The following TMEM132D variants were observed in gnomAD, a reference collection of about 807,000 sequenced individuals.
TMEM132D encodes the protein transmembrane protein 132D, also known as mature OL transmembrane protein.
TMEM132D carries 21 observed loss-of-function variants against 62.3 expected under a neutral mutation model. The ratio of observed to expected loss-of-function variants is 0.34; its 90% CI spans 0.24 to 0.49. TMEM132D has a LOEUF of 0.49. Ranked by LOEUF, TMEM132D falls within the 20% of genes least tolerant of loss-of-function variation. TMEM132D has a pLI of 0.99. For missense variants in TMEM132D, 1,346 were observed against 1,402.8 expected (o/e 0.96, Z 0.65); for synonymous variants, 621 against 575.6 (o/e 1.08, Z -1.13).
At chr12:129,307,518 C>CA (rs1881872261) in intron 4 of TMEM132D, among the ~76,000 whole-genome samples, 1 of 152,116 alleles carries the variant, frequency 6.6e-6, no homozygotes, top group Non-Finnish European at 1.5e-5. Flanking sequence ...ATATCCAAAA[C>CA]AAAATGCTTG....
At chr12:129,890,179 T>C (rs1874876019) in intron 1 of TMEM132D, among the ~76,000 whole-genome samples, 1 of 152,200 alleles carries the variant, frequency 6.6e-6, no homozygotes, top group South Asian at 2.1e-4. Context: ...TGTGCAGGGA[T>C]CTCTCAGAGC....
At position 129,747,851 on chromosome 12, in the gene TMEM132D, GAC is replaced by G. The variant is rs539892119; in HGVS notation, c.80-47155_80-47154del. On this transcript the variant is annotated intron_variant, in intron 1 of 8. Coordinates refer to ENST00000422113, the MANE Select transcript of TMEM132D (RefSeq NM_133448.3). ...CTCGACACACATTCAGACACACACAGACACACACACACACGACACACACACAC... is the reference window on the plus strand; with the variant it reads ...CTCGACACACATTCAGACACACACAGACACACACACACGACACACACACAC... Among the ~76,000 whole-genome samples the G allele has an allele frequency of 2.2e-4, 19 of 86,386 alleles. No individual in the cohort carries two copies. In the East Asian group the frequency reaches 4.2e-3, roughly 19 times the overall value. The allele number at this position is 86,386 out of a possible 152,430, so 56.7% of individuals were successfully genotyped here. A position where few individuals can be genotyped will look rare whatever the true frequency, so the allele number is the denominator to read the frequency against.
chr12:129,074,972 C>G lies in TMEM132D; in HGVS notation c.2203G>C (p.Ala735Pro), dbSNP rs770943777. The G allele has an allele frequency of 1.2e-6, 2 of 1,613,994 alleles. No homozygotes were observed. Among genetic ancestry groups the G allele is most frequent in the Non-Finnish European group, 1.7e-6 (2 of 1,180,012 alleles). ...ACTACCTTCTCATCCAAAGATGTGGCCATCAAGGAGAAGTCTTTCCCATCG... is the reference window on the plus strand; with the variant it reads ...ACTACCTTCTCATCCAAAGATGTGGGCATCAAGGAGAAGTCTTTCCCATCG... Reference protein sequence around the residue: ...IYDGKDFSLMATSLDEKVVSI... With the variant: ...IYDGKDFSLMPTSLDEKVVSI... Residue 735 changes from alanine (A) to proline (P), a missense_variant, in exon 9 of 9, where the codon GCC becomes CCC. Coordinates refer to ENST00000422113, the MANE Select transcript of TMEM132D (RefSeq NM_133448.3).
intron 3 of TMEM132D, among the ~76,000 whole-genome samples, chr12:129,478,283 CT>C (rs1201359288): frequency 6.6e-6 from 1 of 152,148 alleles, no homozygotes; most frequent in Non-Finnish European, 1.5e-5. Context: ...CTACCATGGA[CT>C]TCATAAAAAC....
At chr12:129,429,144 ACTCACTGTAGTCCAAAGTCCTTCAAGTTC>A (rs1872579615) in intron 3 of TMEM132D, among the ~76,000 whole-genome samples, 2 of 107,932 alleles carry the variant, frequency 1.9e-5, no homozygotes, top group Non-Finnish European at 4.2e-5. Context: ...CCTTCAAGTT[ACTCACTGTAGTCCAAAGTCCTTCAAGTTC>A]CTCACTGTAG....
chr12:129,876,608 T>C (rs1311222493), intron 1 of TMEM132D, among the ~76,000 whole-genome samples: 2 of 152,216 alleles, frequency 1.3e-5, no homozygotes, highest in Admixed American at 6.5e-5. Context: ...GTATGGGTTA[T>C]GGCTTCAGGT....
At chr12:129,229,002 A>G (rs1433969903) in intron 4 of TMEM132D, among the ~76,000 whole-genome samples, 1 of 152,192 alleles carries the variant, frequency 6.6e-6, no homozygotes, top group African/African-American at 2.4e-5. Flanking sequence ...CCTCTTCTCC[A>G]GAGCTGACGT....
chr12:129,447,486 C>T (rs1465755641), intron 3 of TMEM132D, among the ~76,000 whole-genome samples: 2 of 152,100 alleles, frequency 1.3e-5, no homozygotes, highest in African/African-American at 4.8e-5. Flanking sequence ...TACTGCCTGC[C>T]GAGGGCTCCG....
chr12:129,795,087 GTTC>G (rs1871524765), intron 1 of TMEM132D, among the ~76,000 whole-genome samples: 1 of 152,150 alleles, frequency 6.6e-6, no homozygotes, highest in Non-Finnish European at 1.5e-5. Context: ...ATTTCATAGT[GTTC>G]TTCTTTACAC....
intron 3 of TMEM132D, among the ~76,000 whole-genome samples, chr12:129,453,715 T>C (rs1873375403): frequency 6.6e-6 from 1 of 152,162 alleles, no homozygotes; most frequent in South Asian, 2.1e-4. Flanking sequence ...AGATGTCTCT[T>C]CTTTGTTTGC....
At chr12:129,163,673 G>A (rs113811702) in intron 5 of TMEM132D, among the ~76,000 whole-genome samples, 2,650 of 152,288 alleles carry the variant, frequency 0.017, 30 homozygotes, top group Non-Finnish European at 0.025. Context: ...ACCAACTCCC[G>A]CTCCCTGCCC....
At chr12:129,776,942 G>A (rs777628695) in intron 1 of TMEM132D, among the ~76,000 whole-genome samples, 7 of 152,060 alleles carry the variant, frequency 4.6e-5, no homozygotes, top group East Asian at 3.9e-4. Flanking sequence ...TTTGAATAGC[G>A]TCATTTCCAA....
At chr12:129,464,604 G>T (rs899976899) in intron 3 of TMEM132D, among the ~76,000 whole-genome samples, 14 of 152,096 alleles carry the variant, frequency 9.2e-5, no homozygotes, top group Non-Finnish European at 1.6e-4. Context: ...TATGGTTTTA[G>T]GTTTAACATT....
chr12:129,708,813 G>T (rs1410613152), intron 1 of TMEM132D, among the ~76,000 whole-genome samples: 2 of 152,002 alleles, frequency 1.3e-5, no homozygotes, highest in Non-Finnish European at 2.9e-5. Context: ...CCCAACTTAG[G>T]GAGAAAACCA....
chr12:129,287,681 T>C (rs1881338663), intron 4 of TMEM132D, among the ~76,000 whole-genome samples: 1 of 152,192 alleles, frequency 6.6e-6, no homozygotes, highest in African/African-American at 2.4e-5. Context: ...ATTGGCATCA[T>C]ATTCCTTTTG....
chr12:129,531,265 G>T (rs147477597), intron 2 of TMEM132D, 60 bp from the exon 3 acceptor site: 16,956 of 1,520,166 alleles, frequency 0.011, 143 homozygotes, highest in South Asian at 0.02. Flanking sequence ...GGTCATGCTG[G>T]TTCTGGGAAC....
Position 129,531,096 on chromosome 12 carries a change from T to C in TMEM132D, c.1078A>G (p.Ile360Val). The C allele has an allele frequency of 1.2e-6, 2 of 1,613,778 alleles. No individual in the cohort carries two copies. The highest frequency in any genetic ancestry group is 1.7e-6 in the Non-Finnish European group (2 of 1,179,770). ...CCAGCTGCTTTCTTCTGACAAACGA[T>C]GACAGCTGGTGCATACTTTCCAGTA... ...DYTGKYAPAVIVCQKKAAGSE... is the reference protein window; with the variant it reads ...DYTGKYAPAVVVCQKKAAGSE... Residue 360 changes from isoleucine to valine, a missense_variant, in exon 3 of 9, where the codon ATC becomes GTC. Transcript: ENST00000422113.
chr12:129,140,855 A>T (rs532792153), intron 5 of TMEM132D, among the ~76,000 whole-genome samples: 15 of 150,662 alleles, frequency 1.0e-4, no homozygotes, highest in African/African-American at 3.4e-4. Context: ...AAAAAAAAAA[A>T]TTTCTGTGAT....
At chr12:129,823,100 C>A (rs1872578989) in intron 1 of TMEM132D, among the ~76,000 whole-genome samples, 1 of 152,212 alleles carries the variant, frequency 6.6e-6, no homozygotes, top group Non-Finnish European at 1.5e-5. Flanking sequence ...TCGCACATCT[C>A]TTTCTTGTTC....
Sources: allele counts gnomAD v4.1 joint callset (sites outside exome capture counted in the v4.1 genomes callset), GRCh38; gene constraint gnomAD v4.1.1; transcripts MANE v1.5; gene names NCBI Gene and HGNC (gene_info 2026-07-23, HGNC 2026-07-21).